The following USP43 variants were observed in gnomAD, a reference collection of about 807,000 sequenced individuals.
The protein encoded by USP43 is ubiquitin carboxyl-terminal hydrolase 43.
USP43 carries 33 observed loss-of-function variants against 90.7 expected under a neutral mutation model. The observed-to-expected ratio is 0.36, with a 90% CI of 0.28 to 0.49. The LOEUF (loss-of-function observed/expected upper bound fraction) is 0.49, where lower values mean the gene tolerates loss of function less well. Among genes scored for constraint, USP43 ranks in the 20% least tolerant of loss-of-function variants. The probability of loss-of-function intolerance (pLI) is 0.98; values close to 1 mark genes in which losing one functional copy is unlikely to be tolerated. For missense variants in USP43, 1,274 were observed against 1,476.4 expected, an observed-to-expected ratio of 0.86 and a Z score of 2.25; for synonymous variants, 598 against 615.8, an observed-to-expected ratio of 0.97 and a Z score of 0.43.
intron 9 of USP43, among the ~76,000 whole-genome samples, chr17:9,697,993 A>G (rs1306056039): frequency 6.6e-6 from 1 of 152,156 alleles, no homozygotes; most frequent in Non-Finnish European, 1.5e-5. Context: ...CATCCTTGCC[A>G]ATATCTGTTA....
In USP43 at chr17:9,680,303, G is replaced by A. The variant is rs765887468; in HGVS notation, c.1042G>A (p.Ala348Thr). ...FFDEEDLNTI[A>T]EGDNVYAFQV... ...TGATGAAGAGGACCTGAATACCATC[G>A]CAGAGGGAGATAATGTGTATGCCTT... is the stretch of plus-strand genomic sequence containing the variant. Residue 348 changes from alanine to threonine, a missense_variant, in exon 6 of 15, where the codon GCA becomes ACA. Coordinates refer to ENST00000285199, the MANE Select transcript of USP43 (RefSeq NM_153210.5). 3.7e-5 allele frequency: 60 copies of A among 1,613,766 alleles called. No individual in the cohort carries two copies. Among genetic ancestry groups the A allele is most frequent in the South Asian group, 2.3e-4 (21 of 91,080 alleles).
chr17:9,712,017 C>T lies in USP43; in HGVS notation c.2220C>T (p.Ser740=). 1.2e-6 allele frequency: 2 copies of T among 1,610,888 alleles called. No homozygotes were observed. The highest frequency in any genetic ancestry group is 1.7e-6 in the Non-Finnish European group (2 of 1,178,716). ...LSDHWLLRLG[S]HAGSTRGSLL... is the part of the protein sequence containing the mutation. ...ATCACTGGCTCTTACGGCTCGGGAG[C>T]CACGCTGGCAGCACAAGGGGAAGCC... Residue 740 remains serine, a synonymous_variant, in exon 14 of 15, where the codon AGC becomes AGT. Transcript: ENST00000285199.
At chr17:9,691,398 G>A (rs1567666820) in intron 8 of USP43, among the ~76,000 whole-genome samples, 1 of 152,222 alleles carries the variant, frequency 6.6e-6, no homozygotes, top group South Asian at 2.1e-4. Context: ...GATTACAGGC[G>A]TGAGCCACCG....
intron 8 of USP43, among the ~76,000 whole-genome samples, chr17:9,688,045 G>A (rs907757772): frequency 1.4e-4 from 21 of 152,196 alleles, no homozygotes; most frequent in African/African-American, 5.1e-4. Flanking sequence ...GAGTGCAGTG[G>A]CGTGATCTCG....
chr17:9,661,615 C>T (rs1325979772), intron 2 of USP43, among the ~76,000 whole-genome samples: 7 of 152,168 alleles, frequency 4.6e-5, no homozygotes, highest in African/African-American at 9.7e-5. Flanking sequence ...ACCTTGGCCT[C>T]CCAAAGTGCT....
intron 1 of USP43, chr17:9,647,530 G>A (rs1349714530): frequency 6.6e-6 from 1 of 152,064 alleles, no homozygotes; most frequent in African/African-American, 2.4e-5. Flanking sequence ...TGTATTAAAT[G>A]AGTTCTATGT....
intron 5 of USP43, among the ~76,000 whole-genome samples, chr17:9,677,989 G>T (rs117107960): frequency 0.01 from 1,541 of 152,222 alleles, 9 homozygotes; most frequent in Middle Eastern, 0.017. Context: ...AAATAGCAGG[G>T]GAAATGTGTG....
At chr17:9,648,595 C>T (rs1465969606) in intron 1 of USP43, among the ~76,000 whole-genome samples, 2 of 152,076 alleles carry the variant, frequency 1.3e-5, no homozygotes, top group African/African-American at 2.4e-5. Flanking sequence ...GGGAAAGCTT[C>T]CCTGGAGAGG....
intron 14 of USP43, among the ~76,000 whole-genome samples, chr17:9,724,957 A>G (rs1389889862): frequency 2.6e-5 from 4 of 152,142 alleles, no homozygotes; most frequent in Non-Finnish European, 5.9e-5. Flanking sequence ...TAAGCATGGC[A>G]CCAAGAGGTC....
At chr17:9,669,552 G>T (rs546986483) in intron 3 of USP43, among the ~76,000 whole-genome samples, 1 of 152,292 alleles carries the variant, frequency 6.6e-6, no homozygotes, top group South Asian at 2.1e-4. Flanking sequence ...ACAAGACTCA[G>T]CCCCTGTTCT....
intron 8 of USP43, among the ~76,000 whole-genome samples, chr17:9,692,757 A>T (rs935828029): frequency 3.3e-5 from 5 of 152,238 alleles, no homozygotes; most frequent in African/African-American, 1.2e-4. Flanking sequence ...TGTGGGGATG[A>T]TAATCATCTT....
intron 14 of USP43, among the ~76,000 whole-genome samples, chr17:9,725,083 G>T (rs867820594): frequency 1.3e-5 from 2 of 152,194 alleles, no homozygotes; most frequent in South Asian, 2.1e-4. Flanking sequence ...AGATGTGGCC[G>T]TTCTCAAAGC....
Position 9,685,600 on chromosome 17 carries a change from T to C in USP43, c.1242-1198T>C, listed in dbSNP as rs533059686. ...TTGTGTCACTGGGCCTCTGCTTACA[T>C]TGCAGTGTCTCCATTTGTTACAAGG... On this transcript the variant is annotated intron_variant, in intron 7 of 14. Transcript: ENST00000285199. Among the ~76,000 whole-genome samples the C allele has an allele frequency of 6.6e-5, 10 of 152,354 alleles. No homozygotes were observed. In the South Asian group the frequency reaches 1.9e-3, roughly 28 times the overall value.
At chr17:9,720,333 A>G (rs936604890) in intron 14 of USP43, among the ~76,000 whole-genome samples, 2 of 148,446 alleles carry the variant, frequency 1.3e-5, no homozygotes, top group African/African-American at 4.9e-5. Flanking sequence ...AAAAAAAAAA[A>G]AAAAAAAGAA....
intron 2 of USP43, among the ~76,000 whole-genome samples, chr17:9,661,275 A>C (rs539597087): frequency 6.6e-6 from 1 of 152,350 alleles, no homozygotes; most frequent in African/African-American, 2.4e-5. Flanking sequence ...GGAGAAGATA[A>C]GGAAGTTGAC....
intron 14 of USP43, among the ~76,000 whole-genome samples, chr17:9,722,243 T>C (rs991376008): frequency 3.9e-5 from 6 of 152,124 alleles, no homozygotes; most frequent in Admixed American, 3.9e-4. Flanking sequence ...ATCCCACCCT[T>C]TTCTTCTTTC....
At chr17:9,668,835 T>A (rs1913209029) in intron 3 of USP43, among the ~76,000 whole-genome samples, 1 of 150,944 alleles carries the variant, frequency 6.6e-6, no homozygotes, top group African/African-American at 2.5e-5. Context: ...AGGGCATCTG[T>A]CTTATTTATT....
intron 9 of USP43, among the ~76,000 whole-genome samples, chr17:9,696,734 C>T (rs1366457118): frequency 1.3e-5 from 2 of 152,226 alleles, no homozygotes; most frequent in Non-Finnish European, 2.9e-5. Context: ...GGTGGCCTCC[C>T]AGTGCCCACG....
chr17:9,683,482 A>T (rs977097958), intron 7 of USP43, among the ~76,000 whole-genome samples: 8 of 152,184 alleles, frequency 5.3e-5, no homozygotes, highest in Admixed American at 2.0e-4. Context: ...TGAATAATAA[A>T]CTGGTAAAAA....
Sources: allele counts gnomAD v4.1 joint callset (sites outside exome capture counted in the v4.1 genomes callset), GRCh38; gene constraint gnomAD v4.1.1; transcripts MANE v1.5; gene names NCBI Gene and HGNC (gene_info 2026-07-23, HGNC 2026-07-21).